SGSM1: variants seen among roughly 807,000 people sequenced by gnomAD.
The protein encoded by SGSM1 is small G protein signaling modulator 1.
In SGSM1, 73 loss-of-function variants were observed where a neutral mutation model predicts 133.8. That is an observed-to-expected ratio of 0.55 (90% CI 0.45 to 0.66). The LOEUF is 0.66. Ranked by LOEUF, SGSM1 falls within the 30% of genes least tolerant of loss-of-function variation. The probability of loss-of-function intolerance (pLI) is 0.00; values close to 1 mark genes in which losing one functional copy is unlikely to be tolerated. For missense variants in SGSM1, 1,213 were observed against 1,448.1 expected, an observed-to-expected ratio of 0.84 and a Z score of 2.64; for synonymous variants, 563 against 573.0, an observed-to-expected ratio of 0.98 and a Z score of 0.25.
intron 2 of SGSM1, among the ~76,000 whole-genome samples, chr22:24,831,302 G>A (rs539041199): frequency 6.5e-4 from 99 of 152,058 alleles, no homozygotes; most frequent in African/African-American, 2.1e-3. Context: ...GGGAAGCCTC[G>A]GCCAGCCCTG....
In SGSM1 at chr22:24,815,175, C is replaced by G. The variant is rs150211401; in HGVS notation, c.63+8691C>G. 1.4e-4 allele frequency among the ~76,000 whole-genome samples: 22 copies of G among 152,246 alleles called. No individual in the cohort carries two copies. In the East Asian group the frequency reaches 4.2e-3, roughly 29 times the overall value. On this transcript the variant is annotated intron_variant, in intron 2 of 24. Coordinates refer to ENST00000400358, the MANE Select transcript of SGSM1 (RefSeq NM_001098497.3). ...TATTTGCAAAGAACAGTAACAGTTC[C>G]TTTTGCAGTAAGGCCTCATTGAGAA...
At chr22:24,840,882 G>A (rs1029665556) in intron 2 of SGSM1, among the ~76,000 whole-genome samples, 1 of 151,754 alleles carries the variant, frequency 6.6e-6, no homozygotes, top group Non-Finnish European at 1.5e-5. Context: ...ACGGAGTCTC[G>A]CTCTTTCACC....
intron 2 of SGSM1, among the ~76,000 whole-genome samples, chr22:24,817,128 C>T (rs1928139351): frequency 6.6e-6 from 1 of 152,166 alleles, no homozygotes; most frequent in African/African-American, 2.4e-5. Context: ...ATGTCCACAT[C>T]AAAGGGCTGA....
intron 8 of SGSM1, 140 bp downstream of exon 8, chr22:24,855,820 C>T: frequency 8.2e-7 from 1 of 1,218,208 alleles, no homozygotes; most frequent in Non-Finnish European, 1.2e-6. Flanking sequence ...CCGCCCAACA[C>T]TCATTCATCC....
chr22:24,853,769 A>ATTT (rs57736929), intron 5 of SGSM1, among the ~76,000 whole-genome samples: 6,879 of 123,128 alleles, frequency 0.056, 307 homozygotes, highest in African/African-American at 0.11. Context: ...CGCCTGGTGA[A>ATTT]TTTTTTTTTT....
intron 18 of SGSM1, among the ~76,000 whole-genome samples, chr22:24,897,553 G>A (rs547538417): frequency 2.6e-5 from 4 of 152,244 alleles, no homozygotes; most frequent in Admixed American, 2.6e-4. Context: ...CTGAAGTCTT[G>A]ACTCCCCAGG....
At position 24,844,881 on chromosome 22, in the gene SGSM1, C is replaced by G; in HGVS notation, c.64-16C>G. 1 of 1,613,204 alleles carries G rather than the reference C, an allele frequency of 6.2e-7. No homozygotes were observed. Among genetic ancestry groups the G allele is most frequent in the Non-Finnish European group, 8.5e-7 (1 of 1,179,700 alleles). ...CACCTTGGACCTCTTCCCCTCCGGT[C>G]ACCTTTGCCTTCCAGGTGAAGCAGA... On this transcript the variant is annotated splice_polypyrimidine_tract_variant and intron_variant, in intron 2 of 24. Coordinates refer to ENST00000400358, the MANE Select transcript of SGSM1 (RefSeq NM_001098497.3).
chr22:24,868,717 T>C lies in SGSM1; in HGVS notation c.1159-6T>C. On this transcript the variant is annotated splice_region_variant and splice_polypyrimidine_tract_variant and intron_variant, in intron 11 of 24. Coordinates refer to ENST00000400358, the MANE Select transcript of SGSM1 (RefSeq NM_001098497.3). ...AAGGACCTTGTTTTGGGACATGTTT[T>C]TGCAGGGCAAAGTGTTTCCTAAACT... 1 of 1,613,772 alleles carries C rather than the reference T, an allele frequency of 6.2e-7. No individual in the cohort carries two copies. Among genetic ancestry groups the C allele is most frequent in the Non-Finnish European group, 8.5e-7 (1 of 1,179,714 alleles).
At chr22:24,911,071 A>G (rs2123732734) in intron 21 of SGSM1, among the ~76,000 whole-genome samples, 1 of 152,098 alleles carries the variant, frequency 6.6e-6, no homozygotes, top group East Asian at 1.9e-4. Context: ...CGTCACCTCT[A>G]CAAAAAATAG....
chr22:24,846,102 A>C (rs1279114553), intron 3 of SGSM1, among the ~76,000 whole-genome samples: 2 of 147,416 alleles, frequency 1.4e-5, no homozygotes, highest in Admixed American at 6.8e-5. Context: ...GCAGTGGCAC[A>C]ATCACAGCTC....
intron 3 of SGSM1, among the ~76,000 whole-genome samples, chr22:24,845,426 T>A (rs768057990): frequency 6.6e-6 from 1 of 152,134 alleles, no homozygotes. Flanking sequence ...GACTCAGACA[T>A]GTCTCCTTGA....
rs114141122 is a variant in SGSM1, at chr22:24,807,135, T to C, written c.63+651T>C. Among the ~76,000 whole-genome samples, 563 of 151,674 alleles carry C rather than the reference T, an allele frequency of 3.7e-3. 3 individuals are homozygous for C. Among genetic ancestry groups the C allele is most frequent in the African/African-American group, 0.012 (509 of 41,442 alleles). The stretch of plus-strand genomic sequence containing the variant: ...CCATTCCTCTGCCCCTCCACTCTCC[T>C]TGGGGTCAGCGCGTGGAGAGGGGGG... On this transcript the variant is annotated intron_variant, in intron 2 of 24. Transcript: ENST00000400358.
At chr22:24,814,126 T>C (rs1927920103) in intron 2 of SGSM1, 1 of 152,166 alleles carries the variant, frequency 6.6e-6, no homozygotes, top group African/African-American at 2.4e-5. Context: ...GAGCCAAGTC[T>C]TTGTTTTTTC....
At chr22:24,907,647 G>A (rs545327365) in intron 21 of SGSM1, among the ~76,000 whole-genome samples, 24 of 151,886 alleles carry the variant, frequency 1.6e-4, no homozygotes, top group Admixed American at 7.2e-4. Flanking sequence ...TATGTTGGCC[G>A]GGCGCAGTGT....
intron 3 of SGSM1, 109 bp from the exon 4 acceptor site, chr22:24,847,525 A>C: frequency 7.4e-7 from 1 of 1,357,230 alleles, no homozygotes; most frequent in Non-Finnish European, 9.9e-7. Context: ...GAAGGTAAGA[A>C]GATTGAGAGG....
chr22:24,806,398 C>G, intron 1 of SGSM1, 43 bp from the exon 2 acceptor site: 1 of 1,513,272 alleles, frequency 6.6e-7, no homozygotes. Flanking sequence ...GGCCCCCGCA[C>G]CCTCTCTCGG....
intron 3 of SGSM1, among the ~76,000 whole-genome samples, chr22:24,846,843 G>T (rs1486413541): frequency 1.3e-5 from 2 of 151,676 alleles, no homozygotes; most frequent in South Asian, 2.1e-4. Context: ...TTTGTTTTTT[G>T]GGGTTTTTTT....
At chr22:24,861,351 CAAA>C (rs139707) in intron 9 of SGSM1, among the ~76,000 whole-genome samples, 6 of 75,872 alleles carry the variant, frequency 7.9e-5, no homozygotes, top group African/African-American at 9.2e-5. Flanking sequence ...GACTCTGTCT[CAAA>C]AAAAAAAAAA....
chr22:24,861,091 A>G (rs1931124311), intron 9 of SGSM1, among the ~76,000 whole-genome samples: 1 of 150,940 alleles, frequency 6.6e-6, no homozygotes, highest in South Asian at 2.1e-4. Context: ...GCGGTGGCTC[A>G]TGCCTGTAAT....
Sources: gnomAD v4.1 joint callset for allele counts (sites outside exome capture counted in the v4.1 genomes callset) on GRCh38, gnomAD v4.1.1 for gene constraint, MANE v1.5 for transcripts, NCBI Gene and HGNC (gene_info 2026-07-23, HGNC 2026-07-21) for gene names.